Variants in SLC28A3 observed in about 807,000 individuals in gnomAD.
SLC28A3 encodes concentrative Na(+)-nucleoside cotransporter 3.
In SLC28A3, 68 loss-of-function variants were observed where a neutral mutation model predicts 84.2. That is an observed-to-expected ratio of 0.81 (90% CI 0.66 to 0.99). The LOEUF (loss-of-function observed/expected upper bound fraction) is 0.99. SLC28A3 is among the 50% of genes least tolerant of loss of function. SLC28A3 has a pLI of 0.00. For missense variants in SLC28A3, 712 were observed against 841.5 expected, an observed-to-expected ratio of 0.85 and a Z score of 1.90; for synonymous variants, 267 against 303.6, an observed-to-expected ratio of 0.88 and a Z score of 1.25.
At chr9:84,299,495 TA>T in intron 6 of SLC28A3, 85 bp downstream of exon 6, 1 of 1,545,398 alleles carries the variant, frequency 6.5e-7, no homozygotes, top group East Asian at 2.3e-5. Context: ...GAACAATAGT[TA>T]AATTCTCTCA....
chr9:84,320,198 C>T (rs554575397), intron 1 of SLC28A3, among the ~76,000 whole-genome samples: 25 of 150,774 alleles, frequency 1.7e-4, no homozygotes, highest in African/African-American at 3.4e-4. Context: ...TACAGGCACA[C>T]GCCACCACAC....
chr9:84,290,387 G>C (rs1825167300), intron 10 of SLC28A3, 108 bp from the exon 11 acceptor site: 1 of 1,395,198 alleles, frequency 7.2e-7, no homozygotes, highest in Non-Finnish European at 9.7e-7. Flanking sequence ...CAGTTTCTAA[G>C]AGTGAACCTC....
chr9:84,366,644 G>A, the SLC28A3 span, among the ~76,000 whole-genome samples: 5 of 152,308 alleles, frequency 3.3e-5, no homozygotes, highest in South Asian at 8.3e-4. Flanking sequence ...ACTTGTAGAG[G>A]TACTTCCTTG....
At chr9:84,313,878 A>G (rs527524947) in intron 1 of SLC28A3, among the ~76,000 whole-genome samples, 4 of 151,258 alleles carry the variant, frequency 2.6e-5, no homozygotes, top group East Asian at 3.9e-4. Flanking sequence ...GAAAAAAAAA[A>G]AAAAGAAAAG....
chr9:84,361,187 A>G, the SLC28A3 span, among the ~76,000 whole-genome samples: 1 of 152,084 alleles, frequency 6.6e-6, no homozygotes, highest in African/African-American at 2.4e-5. Flanking sequence ...CTACTAAAAT[A>G]CAAAAAAATT....
chr9:84,324,195 A>C (rs961007557), intron 1 of SLC28A3, among the ~76,000 whole-genome samples: 3 of 152,126 alleles, frequency 2.0e-5, no homozygotes, highest in African/African-American at 4.8e-5. Context: ...TTTTATCTGT[A>C]TGGGTCAGAT....
chr9:84,341,005 T>C (rs1412418674), upstream of SLC28A3, among the ~76,000 whole-genome samples: 1 of 147,208 alleles, frequency 6.8e-6, no homozygotes, highest in Non-Finnish European at 1.5e-5. Context: ...AGATGGAGTC[T>C]CAAAAAAAAA....
intron 1 of SLC28A3, among the ~76,000 whole-genome samples, chr9:84,327,692 C>G (rs139493512): frequency 6.6e-6 from 1 of 151,822 alleles, no homozygotes; most frequent in Non-Finnish European, 1.5e-5. Context: ...TTTGGGAGGC[C>G]GAGGCAGGTG....
chr9:84,324,798 T>C (rs1826497469), intron 1 of SLC28A3, among the ~76,000 whole-genome samples: 1 of 152,212 alleles, frequency 6.6e-6, no homozygotes, highest in Non-Finnish European at 1.5e-5. Flanking sequence ...TCTGTCAAAG[T>C]TGAGCAGGTC....
intron 1 of SLC28A3, among the ~76,000 whole-genome samples, chr9:84,336,806 C>G (rs1826992498): frequency 6.6e-6 from 1 of 152,214 alleles, no homozygotes; most frequent in African/African-American, 2.4e-5. Context: ...TTCCTCCATC[C>G]CAGGCTCATG....
At chr9:84,315,508 G>C (rs1826139891) in intron 1 of SLC28A3, among the ~76,000 whole-genome samples, 1 of 152,136 alleles carries the variant, frequency 6.6e-6, no homozygotes, top group African/African-American at 2.4e-5. Flanking sequence ...TGGATCCTAC[G>C]TTTTTAAAGT....
At chr9:84,325,776 C>G (rs1342516819) in intron 1 of SLC28A3, among the ~76,000 whole-genome samples, 1 of 152,176 alleles carries the variant, frequency 6.6e-6, no homozygotes, top group Non-Finnish European at 1.5e-5. Context: ...GGTAATCATC[C>G]CCTTCCTTTC....
At chr9:84,349,619 C>T in the SLC28A3 span, among the ~76,000 whole-genome samples, 3 of 152,300 alleles carry the variant, frequency 2.0e-5, no homozygotes, top group South Asian at 2.1e-4. Context: ...CATACACTCA[C>T]GGGTCCATGG....
At chr9:84,352,886 C>A in the SLC28A3 span, among the ~76,000 whole-genome samples, 1 of 85,682 alleles carries the variant, frequency 1.2e-5, no homozygotes, top group Admixed American at 2.0e-4. Context: ...GAGTGAGATT[C>A]TGTCTCAAAA....
chr9:84,305,097 G>T (rs1308116326), intron 4 of SLC28A3, among the ~76,000 whole-genome samples, 157 bp downstream of exon 4: 2 of 151,840 alleles, frequency 1.3e-5, no homozygotes, highest in African/African-American at 4.8e-5. Flanking sequence ...CCTATAAAGG[G>T]CTTCTTGATT....
chr9:84,304,461 C>CAA (rs35892503), intron 4 of SLC28A3, among the ~76,000 whole-genome samples: 2 of 140,406 alleles, frequency 1.4e-5, no homozygotes, highest in African/African-American at 2.5e-5. Flanking sequence ...AACAGTACAA[C>CAA]AAAAAAAAAA....
At chr9:84,331,229 T>C (rs578188663) in intron 1 of SLC28A3, among the ~76,000 whole-genome samples, 19 of 152,296 alleles carry the variant, frequency 1.2e-4, no homozygotes, top group African/African-American at 3.4e-4. Flanking sequence ...ATTATTGTCA[T>C]GTGTTTTTGT....
chr9:84,334,423 A>C (rs1826897417), intron 1 of SLC28A3, among the ~76,000 whole-genome samples: 1 of 152,194 alleles, frequency 6.6e-6, no homozygotes, highest in Non-Finnish European at 1.5e-5. Flanking sequence ...GTATAAAGAA[A>C]AGCAAGGAAG....
chr9:84,357,099 CG>C, the SLC28A3 span, among the ~76,000 whole-genome samples: 2 of 152,064 alleles, frequency 1.3e-5, no homozygotes, highest in African/African-American at 4.8e-5. Flanking sequence ...TCATGAAGGC[CG>C]GGAACTTTGT....
Sources: gnomAD v4.1 joint callset for allele counts (sites outside exome capture counted in the v4.1 genomes callset) on GRCh38, gnomAD v4.1.1 for gene constraint, MANE v1.5 for transcripts, NCBI Gene and HGNC (gene_info 2026-07-23, HGNC 2026-07-21) for gene names.